Variants in FILIP1 observed in about 807,000 individuals in gnomAD.
FILIP1 encodes filamin A interacting protein 1.
A neutral mutation model predicts 102.1 loss-of-function variants in FILIP1; 61 were observed. The ratio of observed to expected loss-of-function variants is 0.60; its 90% confidence interval spans 0.49 to 0.74. The LOEUF is 0.74. Ranked by LOEUF, FILIP1 falls within the 30% of genes least tolerant of loss-of-function variation. The pLI, the probability that FILIP1 is intolerant of heterozygous loss-of-function variation, is 0.00. For synonymous variants in FILIP1, 491 were observed against 526.9 expected (o/e 0.93, Z 0.93); for missense variants, 1,314 against 1,441.2 (o/e 0.91, Z 1.43).
At chr6:75,466,430 T>C (rs757659064) in intron 1 of FILIP1, among the ~76,000 whole-genome samples, 35 of 152,156 alleles carry the variant, frequency 2.3e-4, no homozygotes, top group Non-Finnish European at 3.7e-4. Flanking sequence ...GAATGCAGTG[T>C]TTTATCAAAT....
intron 1 of FILIP1, among the ~76,000 whole-genome samples, chr6:75,460,175 C>T (rs931555043): frequency 6.6e-6 from 1 of 152,144 alleles, no homozygotes; most frequent in Non-Finnish European, 1.5e-5. Flanking sequence ...GAATTTAGTG[C>T]GGTCTCCACA....
chr6:75,437,378 A>G (rs1778062218), intron 1 of FILIP1, among the ~76,000 whole-genome samples: 2 of 152,232 alleles, frequency 1.3e-5, no homozygotes, highest in Admixed American at 1.3e-4. Flanking sequence ...ACTGCAGTCA[A>G]TGTTTTGTTC....
intron 1 of FILIP1, among the ~76,000 whole-genome samples, chr6:75,492,568 A>G (rs1358020634): frequency 6.6e-6 from 1 of 152,176 alleles, no homozygotes; most frequent in African/African-American, 2.4e-5. Context: ...GGTTACTATA[A>G]GCAATTCTGA....
At chr6:75,318,056 C>T (rs941536867) in intron 4 of FILIP1, among the ~76,000 whole-genome samples, 1 of 152,132 alleles carries the variant, frequency 6.6e-6, no homozygotes, top group African/African-American at 2.4e-5. Context: ...GCTGTGTCCT[C>T]TGCTTAGTAT....
In FILIP1 at chr6:75,397,186, AAAAT is replaced by A. The variant is rs975640801; in HGVS notation, c.276+17507_276+17510del. 1.1e-4 allele frequency among the ~76,000 whole-genome samples: 17 copies of A among 152,260 alleles called. No individual in the cohort carries two copies. In the South Asian group the frequency reaches 1.2e-3, roughly 11 times the overall value. The stretch of plus-strand genomic sequence containing the variant: ...ATAATAAAAAAAAGTAGTTTGATTA[AAAAT>A]AAATAAATAAATAAAAGACTTATTC... On this transcript the variant is annotated intron_variant, in intron 2 of 5. Transcript: ENST00000237172.
intron 1 of FILIP1, among the ~76,000 whole-genome samples, chr6:75,424,816 G>GA (rs1359634705): frequency 6.6e-6 from 1 of 151,890 alleles, no homozygotes; most frequent in African/African-American, 2.4e-5. Context: ...TGCTGACAAA[G>GA]AAAAAAAATT....
At chr6:75,340,884 T>C (rs1774399224) in intron 4 of FILIP1, among the ~76,000 whole-genome samples, 1 of 87,274 alleles carries the variant, frequency 1.1e-5, no homozygotes, top group Non-Finnish European at 2.3e-5. Context: ...TTTTTTTTTT[T>C]GTAAAGACGG....
intron 1 of FILIP1, among the ~76,000 whole-genome samples, chr6:75,476,242 A>G (rs1439400554): frequency 6.3e-5 from 1 of 15,886 alleles, no homozygotes; most frequent in African/African-American, 1.1e-3. Flanking sequence ...CTCCATCTCA[A>G]AAAAAAAAAA....
chr6:75,299,816 C>T (rs1315356590), intron 6 of FILIP1, among the ~76,000 whole-genome samples: 2 of 152,160 alleles, frequency 1.3e-5, no homozygotes, highest in Admixed American at 1.3e-4. Context: ...CCTAATTAAA[C>T]TTGATTTCTG....
chr6:75,382,861 T>C (rs1048978260), intron 2 of FILIP1, among the ~76,000 whole-genome samples: 1 of 152,164 alleles, frequency 6.6e-6, no homozygotes, highest in African/African-American at 2.4e-5. Flanking sequence ...AAGCTAACCA[T>C]GTTAAATTAG....
intron 4 of FILIP1, among the ~76,000 whole-genome samples, chr6:75,352,031 C>G (rs1774826884): frequency 6.6e-6 from 1 of 152,198 alleles, no homozygotes; most frequent in South Asian, 2.1e-4. Flanking sequence ...AACAATTTAG[C>G]CATTGTTCAC....
At chr6:75,319,950 C>A in intron 4 of FILIP1, 1 of 422,290 alleles carries the variant, frequency 2.4e-6, no homozygotes, top group Non-Finnish European at 4.3e-6. Flanking sequence ...GACATTTTGC[C>A]TCTCAGCTTC....
intron 1 of FILIP1, among the ~76,000 whole-genome samples, chr6:75,484,352 T>A (rs1779725252): frequency 6.6e-6 from 1 of 152,194 alleles, no homozygotes; most frequent in Non-Finnish European, 1.5e-5. Flanking sequence ...TCTAGTACTA[T>A]CTTCTTTAAA....
At chr6:75,302,794 A>G (rs1053975483) in intron 6 of FILIP1, among the ~76,000 whole-genome samples, 4 of 150,264 alleles carry the variant, frequency 2.7e-5, no homozygotes, top group African/African-American at 9.8e-5. Context: ...GCGGTTTTCA[A>G]ATAGAGATGA....
At chr6:75,490,665 GCA>G (rs1491432600) in intron 1 of FILIP1, among the ~76,000 whole-genome samples, 2 of 149,970 alleles carry the variant, frequency 1.3e-5, no homozygotes, top group Non-Finnish European at 3.0e-5. Context: ...GTGTGTGTGT[GCA>G]TGTGTGCATG....
intron 1 of FILIP1, among the ~76,000 whole-genome samples, chr6:75,457,145 GA>G (rs1438310873): frequency 6.6e-6 from 1 of 152,084 alleles, no homozygotes; most frequent in Non-Finnish European, 1.5e-5. Context: ...TCCTTATGTT[GA>G]GTCTTCAAGC....
At position 75,370,381 on chromosome 6, in the gene FILIP1, G is replaced by A. The variant is rs375515152; in HGVS notation, c.277-7464C>T. On this transcript the variant is annotated intron_variant, in intron 2 of 5. Coordinates refer to ENST00000237172, the MANE Select transcript of FILIP1 (RefSeq NM_015687.5). ...GTGCCTGCTGCATGGTAGGCACTCT[G>A]TAAATATTTGCTGAAATAAATAAAA... Among the ~76,000 whole-genome samples, 51 of 152,250 alleles carry A rather than the reference G, an allele frequency of 3.3e-4. 2 individuals carry two copies. The East Asian group carries it at 6.9e-3, about 21-fold the overall frequency.
intron 1 of FILIP1, among the ~76,000 whole-genome samples, chr6:75,471,085 G>A (rs542774480): frequency 1.3e-5 from 2 of 149,934 alleles, no homozygotes; most frequent in South Asian, 2.1e-4. Context: ...TCTTGAACCC[G>A]GGAGGTGGAG....
chr6:75,482,722 A>C (rs544742128), intron 1 of FILIP1, among the ~76,000 whole-genome samples: 1 of 152,336 alleles, frequency 6.6e-6, no homozygotes, highest in East Asian at 1.9e-4. Context: ...AAAGGTTTAG[A>C]GAAAACTGAG....
Sources: allele counts gnomAD v4.1 joint callset (sites outside exome capture counted in the v4.1 genomes callset), GRCh38; gene constraint gnomAD v4.1.1; transcripts MANE v1.5; gene names NCBI Gene and HGNC (gene_info 2026-07-23, HGNC 2026-07-21).